YARS1: variants seen among roughly 807,000 people sequenced by gnomAD.
The protein encoded by YARS1 is tyrosine--tRNA ligase, cytoplasmic.
YARS1 carries 36 observed loss-of-function variants against 62.2 expected under a neutral mutation model. The observed-to-expected ratio is 0.58, with a 90% confidence interval of 0.44 to 0.76. The LOEUF (loss-of-function observed/expected upper bound fraction) is 0.76, where lower values mean the gene tolerates loss of function less well. Among genes scored for constraint, YARS1 ranks in the 30% least tolerant of loss-of-function variants. The pLI, the probability that YARS1 is intolerant of heterozygous loss-of-function variation, is 0.00. For synonymous variants in YARS1, 234 were observed against 244.9 expected (o/e 0.96, Z 0.42); for missense variants, 524 against 639.8 (o/e 0.82, Z 1.95).
At chr1:32,787,407 G>A (rs769539402) in intron 6 of YARS1, among the ~76,000 whole-genome samples, 13 of 152,132 alleles carry the variant, frequency 8.5e-5, no homozygotes, top group Admixed American at 7.2e-4. Context: ...GGGATTAAAG[G>A]TGTGAGCCAC....
chr1:32,782,302 C>G lies in YARS1; in HGVS notation c.1042+102G>C, dbSNP rs1653085353. 4 of 1,594,832 alleles carry G rather than the reference C, an allele frequency of 2.5e-6. No individual in the cohort carries two copies. The South Asian group carries it at 4.4e-5, about 18-fold the overall frequency. On this transcript the variant is annotated intron_variant, in intron 9 of 12. Transcript: ENST00000373477. ...GACATGACATTCCTGCACTTCAGAC[C>G]CCCTGGGTTGTTGTGCCCTCAATTT...
rs1653404239 is a variant in YARS1, at chr1:32,791,256, TGA to T, written c.592-4_592-3del. On this transcript the variant is annotated splice_polypyrimidine_tract_variant and splice_region_variant and intron_variant, in intron 5 of 12. Coordinates refer to ENST00000373477, the MANE Select transcript of YARS1 (RefSeq NM_003680.4). ...TGAATAGCCAAGTGCAGGGAGGTAC[TGA>T]GAGATTAGAGAAACACACAAAAGCC... The T allele has an allele frequency of 6.2e-7, 1 of 1,612,802 alleles. No individual in the cohort carries two copies. The highest frequency in any genetic ancestry group is 1.1e-5 in the South Asian group (1 of 91,074).
chr1:32,780,419 G>A lies in YARS1; in HGVS notation c.1141-141C>T, dbSNP rs994317299. 3.3e-5 allele frequency: 30 copies of A among 912,518 alleles called. No homozygotes were observed. In the Admixed American group the frequency reaches 3.6e-4, roughly 11 times the overall value. 56.5% of individuals were successfully genotyped at this position (912,518 alleles called of 1,614,324 possible). ...CCCCTAGAGCTAACTTTCTTTCCAC[G>A]TCCCAGACAGCAGACAGGAGAATGG... On this transcript the variant is annotated intron_variant, in intron 10 of 12. Transcript: ENST00000373477.
chr1:32,798,021 C>A, intron 4 of YARS1, 178 bp from the exon 5 acceptor site: 1 of 586,214 alleles, frequency 1.7e-6, no homozygotes. Flanking sequence ...CAGACATGCA[C>A]CACCACGCCC....
intron 11 of YARS1, 179 bp from the exon 12 acceptor site, chr1:32,779,702 T>A: frequency 2.6e-6 from 2 of 759,668 alleles, no homozygotes; most frequent in Non-Finnish European, 4.2e-6. Context: ...AGGGTTACAT[T>A]AACCCAGGCT....
At chr1:32,804,959 G>A (rs893390978) in intron 4 of YARS1, among the ~76,000 whole-genome samples, 4 of 152,152 alleles carry the variant, frequency 2.6e-5, no homozygotes, top group Admixed American at 6.5e-5. Context: ...CACTGAGTGA[G>A]CGAGACTCCG....
chr1:32,775,527 T>C lies in YARS1; in HGVS notation c.*454A>G, dbSNP rs1569694473. The C allele has an allele frequency of 5.6e-6, 1 of 177,808 alleles. No individual in the cohort carries two copies. The highest frequency in any genetic ancestry group is 1.2e-5 in the Non-Finnish European group (1 of 82,414). 11.0% of individuals were successfully genotyped at this position (177,808 alleles called of 1,614,324 possible). ...AGACCACTAGGTTCTCTGTTTTCCC[T>C]TCCCTTTCCTTTTCAAATCCCACAG... On this transcript the variant is annotated 3_prime_UTR_variant, in exon 13 of 13. Transcript: ENST00000373477.
At chr1:32,816,440 G>A (rs1156500962) in intron 1 of YARS1, among the ~76,000 whole-genome samples, 1 of 152,208 alleles carries the variant, frequency 6.6e-6, no homozygotes, top group African/African-American at 2.4e-5. Context: ...TGGTGCCAGA[G>A]GGTTTGTTAT....
rs1241985061 is a variant in YARS1 at position 32,806,658 on chromosome 1, C to T, written c.381-47G>A. ...GACAGCTGTAAACCTGGGCCTAGGC[C>T]TCAGTTTCCTAGGAAATCTAAAGCA... is the stretch of plus-strand genomic sequence containing the variant. On this transcript the variant is annotated intron_variant, in intron 3 of 12. Transcript: ENST00000373477. The T allele has an allele frequency of 3.7e-6, 6 of 1,613,430 alleles. No individual in the cohort carries two copies. The Admixed American group carries it at 1.0e-4, about 27-fold the overall frequency.
In YARS1 at chr1:32,782,385, C is replaced by T; in HGVS notation, c.1042+19G>A. On this transcript the variant is annotated intron_variant, in intron 9 of 12. Coordinates refer to ENST00000373477, the MANE Select transcript of YARS1 (RefSeq NM_003680.4). ...GCTCTCTCTCCTGATGATGTCGGCC[C>T]CTCTCCAGCTGGCCTTACTCTGCTT... is the stretch of plus-strand genomic sequence containing the variant. 7 of 1,613,888 alleles carry T rather than the reference C, an allele frequency of 4.3e-6. No homozygotes were observed. Among genetic ancestry groups the T allele is most frequent in the South Asian group, 1.1e-5 (1 of 91,068 alleles).
At position 32,786,498 on chromosome 1, in the gene YARS1, TCACATGCATGACTATTCCTAGCC is replaced by T. The variant is rs149745059; in HGVS notation, c.821-74_821-52del. The stretch of plus-strand genomic sequence containing the variant: ...CAAACTCATTGACAGCATTCCTAGC[TCACATGCATGACTATTCCTAGCC>T]CACATGCATGACTATTTGTAGTTTT... On this transcript the variant is annotated intron_variant, in intron 7 of 12. Transcript: ENST00000373477. 0.16 allele frequency: 229,090 copies of T among 1,476,900 alleles called. 20,183 individuals are homozygous for T. Among genetic ancestry groups the T allele is most frequent in the South Asian group, 0.23 (19,789 of 86,146 alleles). 91.5% of individuals were successfully genotyped at this position (1,476,900 alleles called of 1,614,324 possible). A position where few individuals can be genotyped will look rare whatever the true frequency, so the allele number is the denominator to read the frequency against.
intron 2 of YARS1, 66 bp downstream of exon 2, chr1:32,810,845 C>A: frequency 6.2e-7 from 1 of 1,614,072 alleles, no homozygotes; most frequent in Non-Finnish European, 8.5e-7. Context: ...CCCACCCTGT[C>A]CTTGTTAAGT....
intron 8 of YARS1, chr1:32,783,843 C>T (rs1263652614): frequency 1.3e-5 from 2 of 152,158 alleles, no homozygotes; most frequent in East Asian, 3.8e-4. Context: ...AAATTCAGTT[C>T]TTCAACTGCA....
intron 1 of YARS1, among the ~76,000 whole-genome samples, chr1:32,816,012 G>A (rs988819352): frequency 5.3e-5 from 8 of 151,804 alleles, no homozygotes; most frequent in African/African-American, 1.9e-4. Flanking sequence ...GGGAGGCTGA[G>A]GCAGGAGAAT....
In YARS1 at chr1:32,782,516, C is replaced by A. The variant is rs781622921; in HGVS notation, c.930G>T (p.Lys310Asn). ...TGTTCAGTGCGACTTCAACAGAATT[C>A]TTCAGGTCTCCAGGATGTACAACCT... ...AAEVVHPGDL[K>N]NSVEVALNKL... Residue 310 changes from lysine to asparagine, a missense_variant, in exon 9 of 13, where the codon AAG becomes AAT. Coordinates refer to ENST00000373477, the MANE Select transcript of YARS1 (RefSeq NM_003680.4). 1 of 1,614,130 alleles carries A rather than the reference C, an allele frequency of 6.2e-7. No homozygotes were observed.
Position 32,776,947 on chromosome 1 carries a change from A to C in YARS1, c.1477-856T>G, listed in dbSNP as rs1569699059. ...ACGCCACCACACTCCAGCCTGGGTG[A>C]CAGAGTGAGACTCCGTCTCCAAAAA... On this transcript the variant is annotated intron_variant, in intron 12 of 12. Coordinates refer to ENST00000373477, the MANE Select transcript of YARS1 (RefSeq NM_003680.4). This position sits in a 1 kb window ranked among gnomAD's most constrained non-coding sequence, Gnocchi z 4.0. Among the ~76,000 whole-genome samples the C allele has an allele frequency of 1.3e-5, 2 of 151,938 alleles. No homozygotes were observed. The highest frequency in any genetic ancestry group is 3.9e-4 in the East Asian group (2 of 5,134).
rs1345151407 is a variant in YARS1 at position 32,786,375 on chromosome 1, T to A, written c.893A>T (p.Asp298Val). The change falls in exon 8 of 13, where the codon GAC (aspartate) becomes GTC (valine). Residue 298 changes from aspartate (D) to valine (V), a missense_variant. Transcript: ENST00000373477. Reference sequence around the variant, plus strand: ...CTTTCATGTTACCTCAGCAGCAAAGTCCTTTTCCAGGTCCACGTAAGCTGT... The same window carrying A: ...CTTTCATGTTACCTCAGCAGCAAAGACCTTTTCCAGGTCCACGTAAGCTGT... ...TYTAYVDLEK[D>V]FAAEVVHPGD... The A allele has an allele frequency of 6.2e-7, 1 of 1,613,942 alleles. No individual in the cohort carries two copies.
intron 3 of YARS1, among the ~76,000 whole-genome samples, chr1:32,809,179 T>C (rs3845499): frequency 0.99 from 150,130 of 152,058 alleles, 74,142 homozygotes; most frequent in East Asian, 1. Context: ...CTCCACCTCC[T>C]GGGTTCAAGT....
intron 5 of YARS1, among the ~76,000 whole-genome samples, chr1:32,793,403 G>A (rs1347626226): frequency 6.6e-6 from 1 of 152,192 alleles, no homozygotes; most frequent in Non-Finnish European, 1.5e-5. Flanking sequence ...AGCAATTTGG[G>A]AGGCCAAGGC....
Sources: gnomAD v4.1 joint callset for allele counts (sites outside exome capture counted in the v4.1 genomes callset) on GRCh38, gnomAD v4.1.1 for gene constraint, Gnocchi (gnomAD v3.1) non-coding constraint, MANE v1.5 for transcripts, NCBI Gene and HGNC (gene_info 2026-07-23, HGNC 2026-07-21) for gene names.